The following FAM13A variants were observed in gnomAD, a reference collection of about 807,000 sequenced individuals.
FAM13A encodes family with sequence similarity 13 member A.
Under a neutral mutation model 129.6 loss-of-function variants are expected in FAM13A, and 76 were observed. That is an observed-to-expected ratio of 0.59 (90% CI 0.49 to 0.71). The LOEUF is 0.71. FAM13A is among the 30% of genes least tolerant of loss of function. FAM13A has a pLI of 0.00. For missense variants in FAM13A, 1,108 were observed against 1,249.3 expected (o/e 0.89, Z 1.70); for synonymous variants, 443 against 449.9 (o/e 0.98, Z 0.20).
chr4:88,951,392 A>G (rs1436831751), intron 4 of FAM13A, among the ~76,000 whole-genome samples: 2 of 152,210 alleles, frequency 1.3e-5, no homozygotes, highest in Non-Finnish European at 2.9e-5. Flanking sequence ...CTCATTTTAA[A>G]GCAGGAGGGA....
chr4:89,008,211 TTTTGTCCAAAATTCAC>T (rs1765306388), intron 3 of FAM13A, among the ~76,000 whole-genome samples: 1 of 152,190 alleles, frequency 6.6e-6, no homozygotes, highest in Non-Finnish European at 1.5e-5. Flanking sequence ...ATGGACTAAA[TTTTGTCCAAAATTCAC>T]AGATTGACGC....
intron 11 of FAM13A, among the ~76,000 whole-genome samples, chr4:88,776,557 A>G (rs1309160586): frequency 6.6e-6 from 1 of 152,236 alleles, no homozygotes; most frequent in Non-Finnish European, 1.5e-5. Context: ...TATTGAGTTG[A>G]CATACAAATG....
Position 89,011,516 on chromosome 4 carries a change from TG to T in FAM13A, c.427+8943del, listed in dbSNP as rs576096662. Among the ~76,000 whole-genome samples, 352 of 152,300 alleles carry T rather than the reference TG, an allele frequency of 2.3e-3. 1 individual carries two copies. Among genetic ancestry groups the T allele is most frequent in the Non-Finnish European group, 4.1e-3 (281 of 68,030 alleles). On this transcript the variant is annotated intron_variant, in intron 3 of 23. Coordinates refer to ENST00000264344, the MANE Select transcript of FAM13A (RefSeq NM_014883.4). ...CCCATCTAACCATCTTACACAGCACTGCCTAACATACTGCTTCTATTATGTG... is the reference window on the plus strand; with the variant it reads ...CCCATCTAACCATCTTACACAGCACTCCTAACATACTGCTTCTATTATGTG...
chr4:88,752,339 C>A (rs1297736622), intron 14 of FAM13A, among the ~76,000 whole-genome samples: 1 of 152,072 alleles, frequency 6.6e-6, no homozygotes, highest in Non-Finnish European at 1.5e-5. Flanking sequence ...TTAGAATGTG[C>A]CAAGTGCTTC....
At chr4:88,759,939 T>C (rs139961040) in intron 13 of FAM13A, among the ~76,000 whole-genome samples, 1,668 of 152,300 alleles carry the variant, frequency 0.011, 15 homozygotes, top group East Asian at 0.024. Context: ...TAAACAAAAG[T>C]GTTTATGAAA....
chr4:88,959,629 A>T (rs1345388437), intron 4 of FAM13A, among the ~76,000 whole-genome samples: 1 of 152,238 alleles, frequency 6.6e-6, no homozygotes, highest in Non-Finnish European at 1.5e-5. Flanking sequence ...CTACGAGCCA[A>T]TTAAACCTAT....
At chr4:89,006,032 T>C (rs2149069697) in intron 3 of FAM13A, among the ~76,000 whole-genome samples, 3 of 152,280 alleles carry the variant, frequency 2.0e-5, no homozygotes, top group African/African-American at 7.2e-5. Flanking sequence ...CAGGTTTTTA[T>C]AGTTTTGGGT....
At chr4:88,789,885 G>C (rs1724777818) in intron 9 of FAM13A, among the ~76,000 whole-genome samples, 1 of 152,090 alleles carries the variant, frequency 6.6e-6, no homozygotes, top group South Asian at 2.1e-4. Flanking sequence ...AATAAGGTTG[G>C]CCCTCCGTGG....
In FAM13A at chr4:88,727,444, T is replaced by C. The variant is rs1298599141; in HGVS notation, c.*1089A>G. The stretch of plus-strand genomic sequence containing the variant: ...GCATGACTTCTTTTTTTTCTTTTTA[T>C]ACATGATCTCGAAAATAGTGTGATT... On this transcript the variant is annotated 3_prime_UTR_variant, in exon 24 of 24. Coordinates refer to ENST00000264344, the MANE Select transcript of FAM13A (RefSeq NM_014883.4). 6.6e-6 allele frequency: 1 copy of C among 152,644 alleles called. No individual in the cohort carries two copies. The highest frequency in any genetic ancestry group is 6.5e-5 in the Admixed American group (1 of 15,288). The allele number at this position is 152,644 out of a possible 1,614,324, so 9.5% of individuals were successfully genotyped here.
Position 88,728,639 on chromosome 4 carries a change from C to T in FAM13A, c.2966G>A (p.Arg989His), listed in dbSNP as rs759231694. The T allele has an allele frequency of 2.1e-5, 34 of 1,613,978 alleles. No individual in the cohort carries two copies. Among genetic ancestry groups the T allele is most frequent in the Admixed American group, 3.3e-5 (2 of 60,008 alleles). Residue 989 changes from arginine (R) to histidine (H), a missense_variant, in exon 24 of 24, where the codon CGC (arginine) becomes CAC (histidine). Arg to His is a conservative substitution (Grantham distance 29, BLOSUM62 0). Transcript: ENST00000264344. Reference protein sequence around the residue: ...QNGRNVQKEDRTPMAEEYSEY... With the variant: ...QNGRNVQKEDHTPMAEEYSEY... ...ACTGTATTCTTCAGCCATAGGAGTGCGGTCTTCCTTCTGGACATTTCTAAT... is the reference window on the plus strand; with the variant it reads ...ACTGTATTCTTCAGCCATAGGAGTGTGGTCTTCCTTCTGGACATTTCTAAT...
intron 4 of FAM13A, among the ~76,000 whole-genome samples, chr4:88,980,038 C>G (rs549752760): frequency 3.9e-5 from 6 of 152,240 alleles, no homozygotes; most frequent in Admixed American, 6.5e-5. Context: ...AATTGTATTG[C>G]TCAAAAGATC....
Position 88,739,042 on chromosome 4 carries a change from G to A in FAM13A, c.2550C>T (p.Thr850=). 1 of 1,610,628 alleles carries A rather than the reference G, an allele frequency of 6.2e-7. No individual in the cohort carries two copies. The stretch of plus-strand genomic sequence containing the variant: ...GTATTCTACTCACAATGATGGGTAT[G>A]GTGTTAGCTCGGGAGAGGATCTGTT... ...LVKQILSRAN[T]IPIIGSPSSK... Residue 850 remains threonine, a synonymous_variant, in exon 20 of 24, where the codon ACC becomes ACT. Transcript: ENST00000264344.
chr4:88,982,564 G>A (rs969987176), intron 4 of FAM13A, among the ~76,000 whole-genome samples: 1 of 152,108 alleles, frequency 6.6e-6, no homozygotes, highest in Non-Finnish European at 1.5e-5. Context: ...GACTACTAAT[G>A]GGCAGAATAA....
Position 88,787,913 on chromosome 4 carries a change from G to C in FAM13A, c.1111C>G (p.Arg371Gly). 3 of 1,612,752 alleles carry C rather than the reference G, an allele frequency of 1.9e-6. No homozygotes were observed. Among genetic ancestry groups the C allele is most frequent in the Non-Finnish European group, 2.5e-6 (3 of 1,179,348 alleles). The change falls in exon 10 of 24, where the codon CGA becomes GGA. Residue 371 changes from arginine to glycine, a missense_variant. By Grantham distance (125) the Arg-to-Gly change is moderately radical. Transcript: ENST00000264344. ...ATGELLERTI[R>G]SAVEQHLFDV... is the part of the protein sequence containing the mutation. ...AAAAGATGTTGTTCTACAGCTGATC[G>C]GATGGTTCTTTCTAAGAGTCTGGCA...
chr4:89,010,078 C>G (rs547785798), intron 3 of FAM13A, among the ~76,000 whole-genome samples: 2 of 152,086 alleles, frequency 1.3e-5, no homozygotes, highest in Non-Finnish European at 2.9e-5. Context: ...TTATCCTTGT[C>G]GGCAATGTGT....
intron 8 of FAM13A, among the ~76,000 whole-genome samples, chr4:88,799,347 G>C (rs796485221): frequency 4.6e-5 from 7 of 152,278 alleles, no homozygotes; most frequent in African/African-American, 1.7e-4. Flanking sequence ...ACCAAGTGTT[G>C]ACAAAAATAA....
At chr4:88,792,080 A>T (rs1212853581) in intron 8 of FAM13A, among the ~76,000 whole-genome samples, 1 of 152,176 alleles carries the variant, frequency 6.6e-6, no homozygotes, top group Non-Finnish European at 1.5e-5. Flanking sequence ...ATAATTAAGA[A>T]GATAAGTAAA....
chr4:88,937,462 A>G (rs540343103), intron 5 of FAM13A: 2 of 152,318 alleles, frequency 1.3e-5, no homozygotes, highest in African/African-American at 4.8e-5. Flanking sequence ...TTGGATGTTT[A>G]CCCTCTGATT....
At chr4:88,873,669 A>C (rs1741839144) in intron 6 of FAM13A, among the ~76,000 whole-genome samples, 1 of 152,222 alleles carries the variant, frequency 6.6e-6, no homozygotes, top group South Asian at 2.1e-4. Context: ...AACCAAAAAA[A>C]GTCCAGGACC....
Sources: gnomAD v4.1 joint callset for allele counts (sites outside exome capture counted in the v4.1 genomes callset) on GRCh38, gnomAD v4.1.1 for gene constraint, MANE v1.5 for transcripts, NCBI Gene and HGNC (gene_info 2026-07-23, HGNC 2026-07-21) for gene names.